Variants in GRIK5 observed in about 807,000 individuals in gnomAD.
GRIK5 encodes glutamate receptor ionotropic, kainate 5.
Under a neutral mutation model 97.4 loss-of-function variants are expected in GRIK5, and 43 were observed. The ratio of observed to expected loss-of-function variants is 0.44; its 90% CI spans 0.35 to 0.57. The LOEUF (loss-of-function observed/expected upper bound fraction) is 0.57. GRIK5 is among the 20% of genes least tolerant of loss of function. The probability of loss-of-function intolerance (pLI) is 0.01; values close to 1 mark genes in which losing one functional copy is unlikely to be tolerated. For synonymous variants in GRIK5, 580 were observed against 583.5 expected, an observed-to-expected ratio of 0.99 and a Z score of 0.09; for missense variants, 1,015 against 1,382.0, an observed-to-expected ratio of 0.73 and a Z score of 4.21.
Position 42,054,343 on chromosome 19 carries a change from T to C in GRIK5, c.1033A>G (p.Ser345Gly). Residue 345 changes from serine to glycine, a missense_variant, in exon 9 of 20, where the codon AGC becomes GGC. Physicochemically the swap from Ser to Gly is moderately conservative, Grantham distance 56. Transcript: ENST00000593562. Reference protein sequence around the residue: ...TSANIWPHGTSLMNYLRMVEY... With the variant: ...TSANIWPHGTGLMNYLRMVEY... ...ACCATGCGCAGGTAGTTCATGAGGCTGGTCCCGTGGGGCCAAATGTTGGCC... is the reference window on the plus strand; with the variant it reads ...ACCATGCGCAGGTAGTTCATGAGGCCGGTCCCGTGGGGCCAAATGTTGGCC... 6.2e-7 allele frequency: 1 copy of C among 1,612,710 alleles called. No homozygotes were observed. The highest frequency in any genetic ancestry group is 8.5e-7 in the Non-Finnish European group (1 of 1,179,498).
chr19:42,002,308 G>A lies in GRIK5; in HGVS notation c.2514+1024C>T. ...GTGGCTGGGAGGGAAAGTGAGGTCA[G>A]GAGAGGGTTTAAGACTGGAGAAATG... On this transcript the variant is annotated intron_variant, in intron 19 of 19. Transcript: ENST00000593562. The surrounding 1 kb of genome is among the most constrained non-coding windows in gnomAD (Gnocchi z 5.2). The A allele has an allele frequency of 2.8e-6, 2 of 717,672 alleles. No individual in the cohort carries two copies. Among genetic ancestry groups the A allele is most frequent in the Admixed American group, 2.0e-5 (1 of 50,022 alleles). 44.5% of individuals were successfully genotyped at this position (717,672 alleles called of 1,614,324 possible).
intron 8 of GRIK5, among the ~76,000 whole-genome samples, chr19:42,056,403 C>T (rs1022076445): frequency 3.3e-5 from 5 of 152,122 alleles, no homozygotes; most frequent in African/African-American, 9.7e-5. Flanking sequence ...GCACAGGAAG[C>T]AGGGGGAAGA....
intron 12 of GRIK5, among the ~76,000 whole-genome samples, chr19:42,032,611 C>A (rs2075852945): frequency 6.6e-6 from 1 of 152,294 alleles, no homozygotes; most frequent in African/African-American, 2.4e-5. Context: ...CTGAGCCACA[C>A]AATGGAATCC....
intron 12 of GRIK5, among the ~76,000 whole-genome samples, chr19:42,033,711 T>A (rs2075867819): frequency 1.3e-5 from 2 of 152,016 alleles, no homozygotes; most frequent in African/African-American, 4.8e-5. Context: ...AGAAAAAAAA[T>A]TGATCAGGCT....
intron 17 of GRIK5, among the ~76,000 whole-genome samples, chr19:42,004,008 C>T (rs782799249): frequency 2.6e-5 from 4 of 152,196 alleles, no homozygotes; most frequent in Non-Finnish European, 5.9e-5. Flanking sequence ...TGGCTGCTCC[C>T]CAAATTCATC....
intron 12 of GRIK5, among the ~76,000 whole-genome samples, chr19:42,040,054 A>G (rs1002407421): frequency 6.6e-6 from 1 of 152,078 alleles, no homozygotes; most frequent in African/African-American, 2.4e-5. Context: ...TCTTCACTGC[A>G]TGTTGTTCTT....
At chr19:42,027,530 T>C (rs2075786893) in intron 12 of GRIK5, among the ~76,000 whole-genome samples, 1 of 152,148 alleles carries the variant, frequency 6.6e-6, no homozygotes, top group Admixed American at 6.5e-5. Context: ...CCTTGGGCAA[T>C]GGAGGACATT....
At position 42,056,763 on chromosome 19, in the gene GRIK5, A is replaced by T; in HGVS notation, c.802T>A (p.Ser268Thr). ...VEDSSNILGF[S>T]MFNTSHPFYP... ...AAGGGGTGGGACGTGTTGAACATGG[A>T]GAAGCCCAGGATGTTGGAGGAGTCC... The change falls in exon 8 of 20, where the codon TCC (serine) becomes ACC (threonine). Residue 268 changes from serine to threonine, a missense_variant. Coordinates refer to ENST00000593562, the MANE Select transcript of GRIK5 (RefSeq NM_002088.5). The T allele has an allele frequency of 6.2e-7, 1 of 1,614,062 alleles. No individual in the cohort carries two copies.
intron 15 of GRIK5, among the ~76,000 whole-genome samples, chr19:42,014,543 G>A (rs905948100): frequency 8.5e-5 from 13 of 152,308 alleles, no homozygotes; most frequent in Admixed American, 6.5e-4. Context: ...AGCACTTTGG[G>A]AGGCAGAGGC....
chr19:42,068,172 G>A (rs1022625466), intron 1 of GRIK5, among the ~76,000 whole-genome samples: 5 of 152,156 alleles, frequency 3.3e-5, no homozygotes, highest in African/African-American at 1.2e-4. Context: ...GAGAGAGAAA[G>A]GGGGAGTCAG....
At position 42,021,949 on chromosome 19, in the gene GRIK5, G is replaced by A. The variant is rs1304224137; in HGVS notation, c.1695C>T (p.Ala565=). The part of the protein sequence containing the change: ...LAVSCVLFLA[A]RLSPYEWYNP... ...TTCCCAGTAGGCAGTGGACTCACCT[G>A]GCAGCCAGAAACAGGACGCAGCTGA... Residue 565 remains alanine (A), a splice_region_variant and synonymous_variant, in exon 14 of 20, where the codon GCC becomes GCT. Coordinates refer to ENST00000593562, the MANE Select transcript of GRIK5 (RefSeq NM_002088.5). This position sits in a 1 kb window ranked among gnomAD's most constrained non-coding sequence, Gnocchi z 4.2. The A allele has an allele frequency of 6.2e-7, 1 of 1,608,054 alleles. No individual in the cohort carries two copies. Among genetic ancestry groups the A allele is most frequent in the Non-Finnish European group, 8.5e-7 (1 of 1,175,394 alleles).
At chr19:42,063,102 G>A (rs2076282961) in intron 3 of GRIK5, among the ~76,000 whole-genome samples, 2 of 152,198 alleles carry the variant, frequency 1.3e-5, no homozygotes, top group Admixed American at 1.3e-4. Flanking sequence ...GGAGATCAAA[G>A]GAAGGGATGA....
chr19:42,050,800 A>G (rs1253854929), intron 11 of GRIK5, among the ~76,000 whole-genome samples: 1 of 150,714 alleles, frequency 6.6e-6, no homozygotes, highest in Non-Finnish European at 1.5e-5. Context: ...TCCGAAAATC[A>G]GGGCTTCTGT....
At chr19:42,054,508 G>A (rs771175986) in intron 8 of GRIK5, 36 bp from the exon 9 acceptor site, 19 of 1,602,112 alleles carry the variant, frequency 1.2e-5, no homozygotes, top group Non-Finnish European at 1.5e-5. Flanking sequence ...GGATGGATAA[G>A]AGGCTGCCTA....
chr19:42,016,159 G>A (rs1405607259), intron 15 of GRIK5, among the ~76,000 whole-genome samples: 5 of 152,190 alleles, frequency 3.3e-5, no homozygotes, highest in Admixed American at 1.3e-4. Flanking sequence ...AGTGGCTCAC[G>A]CCTGTATCCC....
rs782749915 is a variant in GRIK5 at position 42,006,750 on chromosome 19, G to A, written c.1932C>T (p.Thr644=). Residue 644 remains threonine (T), a synonymous_variant, in exon 16 of 20, where the codon ACC becomes ACT. Coordinates refer to ENST00000593562, the MANE Select transcript of GRIK5 (RefSeq NM_002088.5). This position sits in a 1 kb window ranked among gnomAD's most constrained non-coding sequence, Gnocchi z 5.3. The part of the protein sequence containing the change: ...SYTANLAAFL[T]VQRMEVPVES... Reference sequence around the variant, plus strand: ...CCACAGGCACCTCCATGCGCTGCACGGTGAGGAAGGCGGCCAGGTTGGCCG... The same window carrying A: ...CCACAGGCACCTCCATGCGCTGCACAGTGAGGAAGGCGGCCAGGTTGGCCG... 27 of 1,613,664 alleles carry A rather than the reference G, an allele frequency of 1.7e-5. No homozygotes were observed. Among genetic ancestry groups the A allele is most frequent in the Non-Finnish European group, 2.1e-5 (25 of 1,179,728 alleles).
intron 3 of GRIK5, among the ~76,000 whole-genome samples, chr19:42,064,594 AC>A (rs2076303915): frequency 6.6e-6 from 1 of 152,000 alleles, no homozygotes; most frequent in Admixed American, 6.6e-5. Context: ...GAAATGCCAT[AC>A]CCCATTCTTC....
intron 11 of GRIK5, among the ~76,000 whole-genome samples, chr19:42,044,682 C>T (rs1026154286): frequency 3.9e-5 from 6 of 152,160 alleles, no homozygotes; most frequent in Admixed American, 2.0e-4. Flanking sequence ...AGGTGTAGTA[C>T]CTCAAGCCTG....
rs566956903 is a variant in GRIK5, at chr19:42,053,449, C to T, written c.1269+153G>A. 4.6e-5 allele frequency among the ~76,000 whole-genome samples: 7 copies of T among 152,322 alleles called. No individual in the cohort carries two copies. The South Asian group carries it at 1.4e-3, about 32-fold the overall frequency. On this transcript the variant is annotated intron_variant, in intron 11 of 19. Transcript: ENST00000593562. ...TCTGGCAGCATTTAGGATGGTAGCA[C>T]CTTGTTCACAACCTGGAGTTGCTGC...
Sources: gnomAD v4.1 joint callset for allele counts (sites outside exome capture counted in the v4.1 genomes callset) on GRCh38, gnomAD v4.1.1 for gene constraint, Gnocchi (gnomAD v3.1) non-coding constraint, MANE v1.5 for transcripts, NCBI Gene and HGNC (gene_info 2026-07-23, HGNC 2026-07-21) for gene names.